The following GPC6 variants were observed in gnomAD, a reference collection of about 807,000 sequenced individuals.
The protein encoded by GPC6 is glypican 6, also known as glypican-6.
In GPC6, 14 loss-of-function variants were observed where a neutral mutation model predicts 55.2. The observed-to-expected ratio is 0.25, with a 90% CI of 0.17 to 0.40. The LOEUF is 0.40. Among genes scored for constraint, GPC6 ranks in the 10% least tolerant of loss-of-function variants. The pLI is 1.00. For missense variants in GPC6, 641 were observed against 708.5 expected (o/e 0.90, Z 1.08); for synonymous variants, 278 against 259.6 (o/e 1.07, Z -0.68).
At chr13:94,360,733 CT>C (rs1376483193) in intron 6 of GPC6, among the ~76,000 whole-genome samples, 1 of 152,182 alleles carries the variant, frequency 6.6e-6, no homozygotes, top group Non-Finnish European at 1.5e-5. Context: ...TATTTTCCAT[CT>C]TTTTTGAAAT....
intron 2 of GPC6, among the ~76,000 whole-genome samples, chr13:93,717,124 G>C (rs1344040512): frequency 1.3e-5 from 2 of 151,400 alleles, no homozygotes; most frequent in Non-Finnish European, 3.0e-5. Flanking sequence ...AAACATCCTT[G>C]TTATGTGATG....
At chr13:93,747,696 CCTAA>C (rs745604825) in intron 2 of GPC6, among the ~76,000 whole-genome samples, 1 of 152,152 alleles carries the variant, frequency 6.6e-6, no homozygotes, top group Non-Finnish European at 1.5e-5. Context: ...GATGATTTTA[CCTAA>C]CTGTGGGCTA....
intron 2 of GPC6, among the ~76,000 whole-genome samples, chr13:93,801,075 A>T (rs1886353168): frequency 6.6e-6 from 1 of 152,212 alleles, no homozygotes; most frequent in Non-Finnish European, 1.5e-5. Context: ...TGTGGCCAAA[A>T]TTCTGAAAAA....
At chr13:93,731,285 A>G (rs1157627068) in intron 2 of GPC6, among the ~76,000 whole-genome samples, 2 of 152,156 alleles carry the variant, frequency 1.3e-5, no homozygotes, top group Admixed American at 6.6e-5. Flanking sequence ...TGGTAGCCAC[A>G]CTACATCACA....
In GPC6 at chr13:93,293,278, A is replaced by G. The variant is rs563587796; in HGVS notation, c.160+65662A>G. Among the ~76,000 whole-genome samples, 73 of 152,288 alleles carry G rather than the reference A, an allele frequency of 4.8e-4. 1 individual carries two copies. Among genetic ancestry groups the G allele is most frequent in the African/African-American group, 1.3e-3 (56 of 41,556 alleles). ...AATTAAAAATTATGCCTCTTTACCT[A>G]ACTTAAAAAAATAACCTCATATAGT... On this transcript the variant is annotated intron_variant, in intron 1 of 8. Transcript: ENST00000377047.
intron 3 of GPC6, among the ~76,000 whole-genome samples, chr13:93,870,162 T>C (rs961318150): frequency 6.6e-6 from 1 of 151,900 alleles, no homozygotes; most frequent in African/African-American, 2.4e-5. Flanking sequence ...TATTTTCACA[T>C]AGCCTCAAGT....
At chr13:93,659,402 A>G (rs920608487) in intron 2 of GPC6, among the ~76,000 whole-genome samples, 3 of 151,954 alleles carry the variant, frequency 2.0e-5, no homozygotes, top group Non-Finnish European at 4.4e-5. Flanking sequence ...TGAGAATTCT[A>G]TCACTAACAG....
intron 6 of GPC6, among the ~76,000 whole-genome samples, chr13:94,367,767 C>G (rs997537679): frequency 6.6e-6 from 1 of 151,096 alleles, no homozygotes; most frequent in South Asian, 2.1e-4. Context: ...TTCAAACCTT[C>G]AAAGATTCAC....
At chr13:94,224,666 G>C (rs1038108446) in intron 4 of GPC6, among the ~76,000 whole-genome samples, 1 of 152,020 alleles carries the variant, frequency 6.6e-6, no homozygotes, top group Non-Finnish European at 1.5e-5. Context: ...GGTGGAGAAG[G>C]ACTCTCTGTT....
At chr13:93,232,262 C>T (rs1037003519) in intron 1 of GPC6, among the ~76,000 whole-genome samples, 2 of 152,060 alleles carry the variant, frequency 1.3e-5, no homozygotes, top group East Asian at 1.9e-4. Context: ...TATTTCTTTG[C>T]CCCCTGTTTA....
At chr13:93,748,652 G>A (rs1158424216) in intron 2 of GPC6, among the ~76,000 whole-genome samples, 1 of 151,906 alleles carries the variant, frequency 6.6e-6, no homozygotes, top group African/African-American at 2.4e-5. Context: ...AATATTATTA[G>A]CAGTAATTCA....
intron 2 of GPC6, among the ~76,000 whole-genome samples, chr13:93,567,365 T>A (rs117684413): frequency 0.01 from 1,562 of 152,290 alleles, 13 homozygotes; most frequent in Non-Finnish European, 0.016. Context: ...AGTTAAAGAT[T>A]ATTTGAAGTA....
At chr13:94,383,801 A>G (rs1011217300) in intron 7 of GPC6, among the ~76,000 whole-genome samples, 17 of 152,046 alleles carry the variant, frequency 1.1e-4, no homozygotes, top group Admixed American at 3.3e-4. Flanking sequence ...ATTGACCCAC[A>G]GTTCCCTATA....
chr13:94,136,366 A>G (rs991072293), intron 4 of GPC6, among the ~76,000 whole-genome samples: 1 of 152,148 alleles, frequency 6.6e-6, no homozygotes. Flanking sequence ...CATGGCGATA[A>G]GAAGGGTGTG....
At chr13:93,916,039 G>A (rs1478596031) in intron 3 of GPC6, among the ~76,000 whole-genome samples, 1 of 151,882 alleles carries the variant, frequency 6.6e-6, no homozygotes, top group Non-Finnish European at 1.5e-5. Flanking sequence ...GTTTTCCCTG[G>A]GAGTCCTTCC....
chr13:93,651,082 C>A (rs1186086953), intron 2 of GPC6, among the ~76,000 whole-genome samples: 1 of 152,212 alleles, frequency 6.6e-6, no homozygotes, highest in African/African-American at 2.4e-5. Flanking sequence ...CAAGAGGCAT[C>A]ACCCACCTCC....
chr13:93,476,579 A>G (rs1311614400), intron 1 of GPC6, among the ~76,000 whole-genome samples: 1 of 152,202 alleles, frequency 6.6e-6, no homozygotes, highest in East Asian at 1.9e-4. Context: ...TTTGGTGGAT[A>G]GAGTTCTTAA....
At chr13:94,075,982 T>G (rs1884898900) in intron 4 of GPC6, among the ~76,000 whole-genome samples, 1 of 152,066 alleles carries the variant, frequency 6.6e-6, no homozygotes, top group Non-Finnish European at 1.5e-5. Context: ...GTACCTGGAA[T>G]TGGTGTTGCT....
chr13:94,403,128 G>A lies in GPC6; in HGVS notation c.1579G>A (p.Val527Met). The A allele has an allele frequency of 6.2e-7, 1 of 1,613,970 alleles. No homozygotes were observed. Among genetic ancestry groups the A allele is most frequent in the Non-Finnish European group, 8.5e-7 (1 of 1,179,800 alleles). The change falls in exon 9 of 9, where the codon GTG becomes ATG. Residue 527 changes from valine (V) to methionine (M), a missense_variant. Physicochemically the swap from Val to Met is conservative, Grantham distance 21. Coordinates refer to ENST00000377047, the MANE Select transcript of GPC6 (RefSeq NM_005708.5). ...CGCAGTGGATCCCGACCGGAGAGAG[G>A]TGGACTCTTCTGCAGCCCAGCGTGG... is the stretch of plus-strand genomic sequence containing the variant. ...APAVDPDRRE[V>M]DSSAAQRGHS...
Sources: allele counts gnomAD v4.1 joint callset (sites outside exome capture counted in the v4.1 genomes callset), GRCh38; gene constraint gnomAD v4.1.1; transcripts MANE v1.5; gene names NCBI Gene and HGNC (gene_info 2026-07-23, HGNC 2026-07-21).